SHKBP1: variants seen among roughly 807,000 people sequenced by gnomAD.
The protein encoded by SHKBP1 is SH3KBP1-binding protein 1.
SHKBP1 carries 71 observed loss-of-function variants against 83.9 expected under a neutral mutation model. The ratio of observed to expected loss-of-function variants is 0.85; its 90% confidence interval spans 0.70 to 1.03. The LOEUF (loss-of-function observed/expected upper bound fraction) is 1.03, where lower values mean the gene tolerates loss of function less well. Among genes scored for constraint, SHKBP1 ranks in the 50% least tolerant of loss-of-function variants. The pLI is 0.00. For synonymous variants in SHKBP1, 371 were observed against 398.0 expected (o/e 0.93, Z 0.81); for missense variants, 824 against 982.4 (o/e 0.84, Z 2.16).
Position 40,583,576 on chromosome 19 carries a change from G to A in SHKBP1, c.1049-25G>A, listed in dbSNP as rs371767803. ...AGGCTGGGGCACTTGGAACAAACCC[G>A]CTCCACCCTCCCTGCCCACCCCAGA... On this transcript the variant is annotated intron_variant, in intron 11 of 17. Coordinates refer to ENST00000291842, the MANE Select transcript of SHKBP1 (RefSeq NM_138392.4). The A allele has an allele frequency of 3.7e-5, 59 of 1,611,418 alleles. No individual in the cohort carries two copies. The African/African-American group carries it at 6.0e-4, about 16-fold the overall frequency.
chr19:40,589,500 G>A, intron 15 of SHKBP1, among the ~76,000 whole-genome samples: 1 of 117,954 alleles, frequency 8.5e-6, no homozygotes, highest in Non-Finnish European at 1.8e-5. Flanking sequence ...GGGGGCCCAG[G>A]GGGAGAGGTC....
At chr19:40,588,860 G>A in intron 14 of SHKBP1, 81 bp downstream of exon 14, 13 of 1,543,090 alleles carry the variant, frequency 8.4e-6, no homozygotes, top group Admixed American at 1.9e-5. Context: ...CCCACTTGCG[G>A]CCACCTGACC....
intron 5 of SHKBP1, 99 bp from the exon 6 acceptor site, chr19:40,578,363 G>T: frequency 6.8e-7 from 1 of 1,478,172 alleles, no homozygotes; most frequent in Non-Finnish European, 9.4e-7. Context: ...TTCGTACTGG[G>T]AGGAGTATTG....
intron 13 of SHKBP1, 67 bp downstream of exon 13, chr19:40,587,011 A>G: frequency 7.0e-7 from 1 of 1,436,724 alleles, no homozygotes; most frequent in East Asian, 2.4e-5. Context: ...AGACAGGAGG[A>G]TGAGAATTTC....
chr19:40,587,853 A>T (rs1010116493), intron 13 of SHKBP1, among the ~76,000 whole-genome samples: 3 of 151,698 alleles, frequency 2.0e-5, no homozygotes, highest in African/African-American at 7.3e-5. Flanking sequence ...GCAATCAGCT[A>T]TGATTGCACC....
chr19:40,580,310 T>A lies in SHKBP1; in HGVS notation c.401-14T>A. The A allele has an allele frequency of 6.2e-7, 1 of 1,607,504 alleles. No homozygotes were observed. The highest frequency in any genetic ancestry group is 8.5e-7 in the Non-Finnish European group (1 of 1,175,064). On this transcript the variant is annotated splice_polypyrimidine_tract_variant and intron_variant, in intron 6 of 17. Coordinates refer to ENST00000291842, the MANE Select transcript of SHKBP1 (RefSeq NM_138392.4). ...TTACAATGACTGTTACTCTACCTCT[T>A]ATTCTCACTGTAGTGTTCCCAGTGA... is the stretch of plus-strand genomic sequence containing the variant.
chr19:40,584,404 A>C (rs1322530021), intron 12 of SHKBP1, among the ~76,000 whole-genome samples: 1 of 152,186 alleles, frequency 6.6e-6, no homozygotes, highest in Non-Finnish European at 1.5e-5. Context: ...CTTGACATCA[A>C]ATGCAGAATG....
At chr19:40,587,308 G>A (rs1279118532) in intron 13 of SHKBP1, among the ~76,000 whole-genome samples, 3 of 152,162 alleles carry the variant, frequency 2.0e-5, no homozygotes, top group Non-Finnish European at 4.4e-5. Context: ...GGACATCAAT[G>A]GCCAGCTGCG....
In SHKBP1 at chr19:40,586,881, A is replaced by G. The variant is rs199728404; in HGVS notation, c.1273A>G (p.Thr425Ala). ...TVGSGPQLFQ[T>A]FTVHRSPVTK... is the part of the protein sequence containing the mutation. ...GGGCTCGGGGCCTCAGCTCTTCCAG[A>G]CCTTCACTGTGCACCGCAGCCCTGT... Residue 425 changes from threonine (T) to alanine (A), a missense_variant, in exon 13 of 18, where the codon ACC becomes GCC. Transcript: ENST00000291842. 51 of 1,612,582 alleles carry G rather than the reference A, an allele frequency of 3.2e-5. No homozygotes were observed. Among genetic ancestry groups the G allele is most frequent in the Non-Finnish European group, 4.2e-5 (50 of 1,179,284 alleles).
rs751558460 is a variant in SHKBP1 at position 40,590,813 on chromosome 19, G to A, written c.1852G>A (p.Gly618Ser). 1 of 1,599,636 alleles carries A rather than the reference G, an allele frequency of 6.3e-7. No homozygotes were observed. The highest frequency in any genetic ancestry group is 1.3e-5 in the African/African-American group (1 of 74,652). ...APPAPSAPSW[G>S]CLPSPSPRIS... Reference sequence around the variant, plus strand: ...GCCGGCTCCTTCAGCTCCCTCATGGGGCTGTCTCCCCAGCCCCTCACCCCG... The same window carrying A: ...GCCGGCTCCTTCAGCTCCCTCATGGAGCTGTCTCCCCAGCCCCTCACCCCG... Residue 618 changes from glycine (G) to serine (S), a missense_variant, in exon 17 of 18, where the codon GGC becomes AGC. Physicochemically the swap from Gly to Ser is moderately conservative, Grantham distance 56 (BLOSUM62 0). Transcript: ENST00000291842. This position sits in a 1 kb window ranked among gnomAD's most constrained non-coding sequence, Gnocchi z 4.6.
intron 12 of SHKBP1, among the ~76,000 whole-genome samples, 154 bp downstream of exon 12, chr19:40,583,871 C>T (rs538539761): frequency 1.3e-5 from 2 of 152,156 alleles, no homozygotes; most frequent in East Asian, 1.9e-4. Flanking sequence ...GACAGACTCT[C>T]ATTCTGTTGC....
chr19:40,582,872 G>T (rs2081281542), intron 10 of SHKBP1, among the ~76,000 whole-genome samples: 1 of 150,972 alleles, frequency 6.6e-6, no homozygotes, highest in Admixed American at 6.6e-5. Flanking sequence ...AAGAGACAGA[G>T]AGGCAGAAAA....
chr19:40,577,249 G>C lies in SHKBP1; in HGVS notation c.105G>C (p.Gln35His). 1 of 1,613,952 alleles carries C rather than the reference G, an allele frequency of 6.2e-7. No individual in the cohort carries two copies. The highest frequency in any genetic ancestry group is 8.5e-7 in the Non-Finnish European group (1 of 1,180,004). Residue 35 changes from glutamine (Q) to histidine (H), a missense_variant, in exon 2 of 18, where the codon CAG becomes CAC. By Grantham distance (24) the Gln-to-His change is conservative (BLOSUM62 0). Around this residue, in one of 3 missense-constraint regions of SHKBP1, gnomAD observed 355 missense variants for 386.4 expected, o/e 0.92. Coordinates refer to ENST00000291842, the MANE Select transcript of SHKBP1 (RefSeq NM_138392.4). The stretch of plus-strand genomic sequence containing the variant: ...CGCCCAGATTCAGTACCTCTCGCCA[G>C]ACTCTCACCTGGATCCCAGACTCCT... Reference protein sequence around the residue: ...VGGKRFSTSRQTLTWIPDSFF... With the variant: ...VGGKRFSTSRHTLTWIPDSFF...
At chr19:40,581,818 A>G (rs948550165) in intron 9 of SHKBP1, among the ~76,000 whole-genome samples, 2 of 152,008 alleles carry the variant, frequency 1.3e-5, no homozygotes, top group Non-Finnish European at 2.9e-5. Flanking sequence ...TTTTTGCCTT[A>G]TTGCAAATCT....
intron 12 of SHKBP1, 132 bp downstream of exon 12, chr19:40,583,849 T>C: frequency 1.4e-6 from 1 of 703,314 alleles, no homozygotes; most frequent in South Asian, 1.7e-5. Flanking sequence ...TCTCTCTCAT[T>C]TTTTTTTCTG....
chr19:40,581,375 T>C (rs1599840420), intron 9 of SHKBP1, among the ~76,000 whole-genome samples: 1 of 151,570 alleles, frequency 6.6e-6, no homozygotes, highest in South Asian at 2.1e-4. Context: ...ATTAGCTGGG[T>C]GTGGTGGCAC....
In SHKBP1 at chr19:40,576,926, G is replaced by C. The variant is rs1189016492; in HGVS notation, c.27G>C (p.Glu9Asp). ...TGGCAGCAGCGGCTACTGCAGCCGA[G>C]GGGGTCCCCAGTCGGGGGCCTCCCG... MAAAATAA[E>D]GVPSRGPPGE... The change falls in exon 1 of 18, where the codon GAG becomes GAC. Residue 9 changes from glutamate (E) to aspartate (D), a missense_variant. Physicochemically the swap from Glu to Asp is conservative, Grantham distance 45 (BLOSUM62 2). Around this residue, in one of 3 missense-constraint regions of SHKBP1, gnomAD observed 355 missense variants for 386.4 expected, o/e 0.92. Coordinates refer to ENST00000291842, the MANE Select transcript of SHKBP1 (RefSeq NM_138392.4). 1.3e-6 allele frequency: 2 copies of C among 1,488,564 alleles called. No homozygotes were observed. Among genetic ancestry groups the C allele is most frequent in the Non-Finnish European group, 1.8e-6 (2 of 1,124,028 alleles). 92.2% of individuals were successfully genotyped at this position (1,488,564 alleles called of 1,614,324 possible).
Position 40,590,610 on chromosome 19 carries a change from T to G in SHKBP1, c.1769-120T>G, listed in dbSNP as rs1476452393. ...CCCCTGTCTCAGCCTCTGGCCCCCA[T>G]GCATTGATCTCTGCTTCCTCTCTCC... On this transcript the variant is annotated intron_variant, in intron 16 of 17. Transcript: ENST00000291842. This position sits in a 1 kb window ranked among gnomAD's most constrained non-coding sequence, Gnocchi z 4.6. The G allele has an allele frequency of 1.5e-6, 2 of 1,350,822 alleles. No individual in the cohort carries two copies. The highest frequency in any genetic ancestry group is 2.2e-5 in the Admixed American group (1 of 46,036). The allele number at this position is 1,350,822 out of a possible 1,614,324, so 83.7% of individuals were successfully genotyped here.
intron 4 of SHKBP1, 90 bp from the exon 5 acceptor site, chr19:40,578,064 T>C: frequency 9.6e-7 from 1 of 1,044,712 alleles, no homozygotes; most frequent in Non-Finnish European, 1.5e-6. Flanking sequence ...CCCCTTGACA[T>C]TCTCTGTGCA....
Sources: allele counts gnomAD v4.1 joint callset (sites outside exome capture counted in the v4.1 genomes callset), GRCh38; gene constraint gnomAD v4.1.1; regional missense constraint gnomAD v4.1.1; non-coding constraint Gnocchi (gnomAD v3.1); transcripts MANE v1.5; gene names NCBI Gene and HGNC (gene_info 2026-07-23, HGNC 2026-07-21).